The following TMEM178A variants were observed in gnomAD, a reference collection of about 807,000 sequenced individuals.
The protein encoded by TMEM178A is transmembrane protein 178.
In TMEM178A, 12 loss-of-function variants were observed where a neutral mutation model predicts 29.1. The ratio of observed to expected loss-of-function variants is 0.41; its 90% confidence interval spans 0.26 to 0.67. The LOEUF is 0.67. Among genes scored for constraint, TMEM178A ranks in the 30% least tolerant of loss-of-function variants. The probability of loss-of-function intolerance (pLI) is 0.29; values close to 1 mark genes in which losing one functional copy is unlikely to be tolerated. For synonymous variants in TMEM178A, 210 were observed against 187.2 expected, an observed-to-expected ratio of 1.12 and a Z score of -0.99; for missense variants, 366 against 419.1, an observed-to-expected ratio of 0.87 and a Z score of 1.11.
downstream of TMEM178A, among the ~76,000 whole-genome samples, chr2:39,720,860 GA>G (rs1672690474): frequency 6.6e-6 from 1 of 152,144 alleles, no homozygotes; most frequent in African/African-American, 2.4e-5. Context: ...GGCAAGCAAG[GA>G]AACCTCATTA....
At position 39,715,655 on chromosome 2, in the gene TMEM178A, A is replaced by T. The variant is rs553106450; in HGVS notation, c.653-1355A>T. On this transcript the variant is annotated intron_variant, in intron 3 of 3. Transcript: ENST00000281961. ...TGCAGAATTAAGCAAAGAGTAGGAA[A>T]TATCAAATTATCTCAGATCCAGTGT... 5.3e-5 allele frequency among the ~76,000 whole-genome samples: 8 copies of T among 152,352 alleles called. No individual in the cohort carries two copies. In the South Asian group the frequency reaches 1.0e-3, roughly 20 times the overall value.
intron 3 of TMEM178A, among the ~76,000 whole-genome samples, chr2:39,713,494 A>G (rs1020764271): frequency 7.2e-5 from 11 of 152,174 alleles, no homozygotes; most frequent in African/African-American, 1.4e-4. Context: ...ATGAGGTGAT[A>G]TGGATGGGCC....
In TMEM178A at chr2:39,666,388, G is replaced by A. The variant is rs1365794258; in HGVS notation, c.400+14G>A. ...TCATCCTGAAAGGTGAGCGGCGGGC[G>A]CACCCCGCGTCCCCGGCGCCCGCGC... On this transcript the variant is annotated intron_variant, in intron 1 of 3. Coordinates refer to ENST00000281961, the MANE Select transcript of TMEM178A (RefSeq NM_152390.3). 4.5e-6 allele frequency: 6 copies of A among 1,343,524 alleles called. No homozygotes were observed. The highest frequency in any genetic ancestry group is 3.6e-5 in the South Asian group (2 of 55,510). 83.2% of individuals were successfully genotyped at this position (1,343,524 alleles called of 1,614,324 possible). A position where few individuals can be genotyped will look rare whatever the true frequency, so the allele number is the denominator to read the frequency against.
At chr2:39,674,104 G>C (rs1670515055) in intron 1 of TMEM178A, among the ~76,000 whole-genome samples, 1 of 152,090 alleles carries the variant, frequency 6.6e-6, no homozygotes, top group African/African-American at 2.4e-5. Context: ...GTTGAAGGAA[G>C]CTACAACTTA....
intron 1 of TMEM178A, among the ~76,000 whole-genome samples, chr2:39,677,765 A>G (rs577368340): frequency 6.6e-6 from 1 of 152,276 alleles, no homozygotes; most frequent in South Asian, 2.1e-4. Flanking sequence ...TTCGACACCG[A>G]GAGACCTATT....
chr2:39,667,139 A>C (rs1377366048), intron 1 of TMEM178A, among the ~76,000 whole-genome samples: 1 of 152,070 alleles, frequency 6.6e-6, no homozygotes, highest in Non-Finnish European at 1.5e-5. Flanking sequence ...GAGGAGAGAA[A>C]ATGTCCTCGC....
intron 1 of TMEM178A, among the ~76,000 whole-genome samples, chr2:39,686,693 G>T (rs73927024): frequency 2.2e-4 from 33 of 150,594 alleles, no homozygotes; most frequent in Non-Finnish European, 4.0e-4. Flanking sequence ...AAGATGGGGG[G>T]GCGGAGCTGT....
chr2:39,667,455 A>C (rs1435222609), intron 1 of TMEM178A, among the ~76,000 whole-genome samples: 1 of 151,972 alleles, frequency 6.6e-6, no homozygotes, highest in African/African-American at 2.4e-5. Flanking sequence ...GAGATTAAAA[A>C]AAAAAATCAA....
At chr2:39,710,371 T>C (rs2148112968) in intron 3 of TMEM178A, among the ~76,000 whole-genome samples, 1 of 152,314 alleles carries the variant, frequency 6.6e-6, no homozygotes, top group Non-Finnish European at 1.5e-5. Context: ...CCTCATCACC[T>C]GAAAACAAAA....
chr2:39,696,322 A>G (rs1483527386), intron 1 of TMEM178A, among the ~76,000 whole-genome samples: 2 of 152,134 alleles, frequency 1.3e-5, no homozygotes, highest in Non-Finnish European at 2.9e-5. Flanking sequence ...ACTTGGGTTA[A>G]TCTGTGATGA....
In TMEM178A at chr2:39,701,445, A is replaced by G. The variant is rs77622410; in HGVS notation, c.401-2636A>G. Among the ~76,000 whole-genome samples the G allele has an allele frequency of 1.1e-3, 170 of 151,988 alleles. 4 individuals are homozygous for G. The East Asian group carries it at 0.029, about 26-fold the overall frequency. ...TTTCAAAGTTTTTTTTGTGTATATGATAATTTGCTTTTTTCTTGCTGCTTT... is the reference window on the plus strand; with the variant it reads ...TTTCAAAGTTTTTTTTGTGTATATGGTAATTTGCTTTTTTCTTGCTGCTTT... On this transcript the variant is annotated intron_variant, in intron 1 of 3. Coordinates refer to ENST00000281961, the MANE Select transcript of TMEM178A (RefSeq NM_152390.3).
intron 3 of TMEM178A, among the ~76,000 whole-genome samples, chr2:39,711,180 CT>C (rs1021207711): frequency 3.9e-5 from 6 of 152,252 alleles, no homozygotes; most frequent in Non-Finnish European, 5.9e-5. Flanking sequence ...AGACTCTTAT[CT>C]TCCAGCTTTA....
At chr2:39,687,277 C>A (rs372088002) in intron 1 of TMEM178A, 1 of 166,824 alleles carries the variant, frequency 6.0e-6, no homozygotes, top group Admixed American at 6.6e-5. Context: ...TGGGTGGGTA[C>A]GTTCAGGTAG....
chr2:39,713,083 G>C (rs1378327330), intron 3 of TMEM178A, among the ~76,000 whole-genome samples: 2 of 152,136 alleles, frequency 1.3e-5, no homozygotes, highest in African/African-American at 4.8e-5. Flanking sequence ...GGAAGTCTAA[G>C]AGATCCCTAT....
rs1305708521 is a variant in TMEM178A, at chr2:39,704,125, C to T, written c.445C>T (p.Pro149Ser). The T allele has an allele frequency of 5.0e-6, 8 of 1,614,030 alleles. No homozygotes were observed. The African/African-American group carries it at 1.1e-4, about 22-fold the overall frequency. ...GGCCATCAAGTACCACTTTTCTCAGCCCATCCGCTTGCGAAACATTCCTTT... is the reference window on the plus strand; with the variant it reads ...GGCCATCAAGTACCACTTTTCTCAGTCCATCCGCTTGCGAAACATTCCTTT... ...CTAIKYHFSQ[P>S]IRLRNIPFNL... The change falls in exon 2 of 4, where the codon CCC becomes TCC. Residue 149 changes from proline (P) to serine (S), a missense_variant. Transcript: ENST00000281961.
the TMEM178A span, among the ~76,000 whole-genome samples, chr2:39,734,945 A>G: frequency 6.6e-6 from 1 of 152,112 alleles, no homozygotes; most frequent in African/African-American, 2.4e-5. Context: ...GACTGTTACC[A>G]CCCTGGGGCA....
At chr2:39,670,105 C>G (rs899601092) in intron 1 of TMEM178A, among the ~76,000 whole-genome samples, 3 of 152,106 alleles carry the variant, frequency 2.0e-5, no homozygotes, top group African/African-American at 7.2e-5. Flanking sequence ...CTTCACCCAG[C>G]GATTTGAGTG....
chr2:39,679,684 A>G (rs1665006880), intron 1 of TMEM178A, among the ~76,000 whole-genome samples: 1 of 152,172 alleles, frequency 6.6e-6, no homozygotes, highest in Non-Finnish European at 1.5e-5. Context: ...CGGAAACTCA[A>G]TATATTGGTC....
Position 39,665,997 on chromosome 2 carries a change from C to T in TMEM178A, c.23C>T (p.Thr8Met). 6.9e-7 allele frequency: 1 copy of T among 1,441,480 alleles called. No homozygotes were observed. The highest frequency in any genetic ancestry group is 9.1e-7 in the Non-Finnish European group (1 of 1,099,856). 89.3% of individuals were successfully genotyped at this position (1,441,480 alleles called of 1,614,324 possible). MEPRALV[T>M]ALSLGLSLCS... ...GCCATGGAGCCGCGGGCGCTCGTCA[C>T]GGCGCTCAGCCTCGGCCTCAGCCTG... is the stretch of plus-strand genomic sequence containing the variant. The change falls in exon 1 of 4, where the codon ACG becomes ATG. Residue 8 changes from threonine (T) to methionine (M), a missense_variant. Transcript: ENST00000281961.
Sources: allele counts gnomAD v4.1 joint callset (sites outside exome capture counted in the v4.1 genomes callset), GRCh38; gene constraint gnomAD v4.1.1; transcripts MANE v1.5; gene names NCBI Gene and HGNC (gene_info 2026-07-23, HGNC 2026-07-21).